The following PRKCI variants were observed in gnomAD, a reference collection of about 807,000 sequenced individuals.
The protein encoded by PRKCI is protein kinase C iota type.
A neutral mutation model predicts 84.0 loss-of-function variants in PRKCI; 43 were observed. The ratio of observed to expected loss-of-function variants is 0.51; its 90% CI spans 0.40 to 0.66. The LOEUF is 0.66. Ranked by LOEUF, PRKCI falls within the 30% of genes least tolerant of loss-of-function variation. The pLI, the probability that PRKCI is intolerant of heterozygous loss-of-function variation, is 0.00. For synonymous variants in PRKCI, 216 were observed against 234.4 expected (o/e 0.92, Z 0.72); for missense variants, 459 against 745.6 (o/e 0.62, Z 4.48).
intron 3 of PRKCI, among the ~76,000 whole-genome samples, chr3:170,261,271 C>A (rs1422918004): frequency 6.6e-6 from 1 of 150,974 alleles, no homozygotes; most frequent in African/African-American, 2.4e-5. Context: ...AGCCAAGAAC[C>A]TCTTAATATA....
At chr3:170,289,732 G>A (rs1165882473) in intron 12 of PRKCI, among the ~76,000 whole-genome samples, 1 of 152,120 alleles carries the variant, frequency 6.6e-6, no homozygotes, top group African/African-American at 2.4e-5. Context: ...GACCAACATG[G>A]TGAAACCCCG....
intron 2 of PRKCI, among the ~76,000 whole-genome samples, chr3:170,249,636 A>G (rs79429952): frequency 0.021 from 3,185 of 152,106 alleles, 51 homozygotes; most frequent in East Asian, 0.084. Context: ...AAAAAAAGAA[A>G]GGAAAAAAAG....
Position 170,235,328 on chromosome 3 carries a change from C to G in PRKCI, c.200C>G (p.Thr67Ser). The G allele has an allele frequency of 6.2e-7, 1 of 1,614,028 alleles. No individual in the cohort carries two copies. The highest frequency in any genetic ancestry group is 1.1e-5 in the South Asian group (1 of 91,076). ...TCTTTTGACAACGAACAGCTCTTCA[C>G]CATGAAATGGATAGATGAGGAAGGT... ...MCSFDNEQLF[T>S]MKWIDEEGDP... Residue 67 changes from threonine to serine, a missense_variant, in exon 2 of 18, where the codon ACC (threonine) becomes AGC (serine). Coordinates refer to ENST00000295797, the MANE Select transcript of PRKCI (RefSeq NM_002740.6).
intron 1 of PRKCI, among the ~76,000 whole-genome samples, chr3:170,233,208 G>T (rs1732849128): frequency 1.2e-5 from 1 of 81,002 alleles, no homozygotes; most frequent in South Asian, 4.9e-4. Flanking sequence ...CAGAAGGACT[G>T]AATGTGATTC....
At chr3:170,242,540 T>C (rs564659546) in intron 2 of PRKCI, among the ~76,000 whole-genome samples, 11 of 151,764 alleles carry the variant, frequency 7.2e-5, no homozygotes, top group South Asian at 6.2e-4. Context: ...TTGTAACTTA[T>C]ATAGTTTTCC....
chr3:170,251,404 A>C (rs1733440097), intron 2 of PRKCI, among the ~76,000 whole-genome samples: 1 of 152,226 alleles, frequency 6.6e-6, no homozygotes, highest in South Asian at 2.1e-4. Context: ...GAGAGAAAAT[A>C]TTTGCAACAT....
At chr3:170,246,881 CT>C (rs1348382207) in intron 2 of PRKCI, among the ~76,000 whole-genome samples, 1 of 152,048 alleles carries the variant, frequency 6.6e-6, no homozygotes, top group African/African-American at 2.4e-5. Flanking sequence ...ATGAATTTAC[CT>C]ATGCTTGGTC....
intron 6 of PRKCI, among the ~76,000 whole-genome samples, chr3:170,272,588 A>C (rs2108854731): frequency 6.6e-6 from 1 of 152,328 alleles, no homozygotes; most frequent in African/African-American, 2.4e-5. Flanking sequence ...GTTAGTGATT[A>C]TATTGAAGTT....
chr3:170,252,986 A>G (rs1733492546), intron 2 of PRKCI, among the ~76,000 whole-genome samples: 1 of 152,148 alleles, frequency 6.6e-6, no homozygotes, highest in Admixed American at 6.5e-5. Context: ...GTCTTTCTGT[A>G]TCTGGCTTAT....
chr3:170,299,160 C>T (rs9867081), intron 17 of PRKCI, 50 bp downstream of exon 17: 14,776 of 1,057,264 alleles, frequency 0.014, 521 homozygotes, highest in African/African-American at 0.093. Context: ...TTGGAAATCC[C>T]ATTTTTAGTG....
chr3:170,228,003 CAT>C (rs1360882229), intron 1 of PRKCI, among the ~76,000 whole-genome samples: 14 of 152,056 alleles, frequency 9.2e-5, no homozygotes, highest in Admixed American at 9.2e-4. Context: ...TTGGACAACT[CAT>C]AGGTTTCTCG....
At chr3:170,282,534 T>TA (rs1734273093) in intron 11 of PRKCI, among the ~76,000 whole-genome samples, 2 of 151,388 alleles carry the variant, frequency 1.3e-5, no homozygotes, top group African/African-American at 4.9e-5. Flanking sequence ...CTGTCTCTAC[T>TA]AAAAATACAA....
intron 7 of PRKCI, among the ~76,000 whole-genome samples, chr3:170,273,849 G>A (rs1304984245): frequency 6.6e-6 from 1 of 151,466 alleles, no homozygotes; most frequent in Non-Finnish European, 1.5e-5. Context: ...AGACAACTGT[G>A]GGCTGGGTGT....
chr3:170,252,887 C>T (rs933815123), intron 2 of PRKCI, among the ~76,000 whole-genome samples: 3 of 152,166 alleles, frequency 2.0e-5, no homozygotes, highest in African/African-American at 7.2e-5. Flanking sequence ...TCGTTCCCAG[C>T]TTCTGGTAGC....
At chr3:170,260,818 G>A (rs975303103) in intron 3 of PRKCI, among the ~76,000 whole-genome samples, 1 of 152,148 alleles carries the variant, frequency 6.6e-6, no homozygotes, top group African/African-American at 2.4e-5. Context: ...TGTAGGAAGT[G>A]GCATAGAAGA....
chr3:170,235,777 A>G (rs934203080), intron 2 of PRKCI, among the ~76,000 whole-genome samples: 2 of 151,868 alleles, frequency 1.3e-5, no homozygotes, highest in Admixed American at 1.3e-4. Context: ...ATGTTGGCCA[A>G]GCTGGTCTCA....
intron 12 of PRKCI, among the ~76,000 whole-genome samples, chr3:170,288,447 CCTT>C (rs1446754429): frequency 6.6e-6 from 1 of 152,080 alleles, no homozygotes; most frequent in Non-Finnish European, 1.5e-5. Flanking sequence ...TGCCTTTCCT[CCTT>C]CTCCAAGAGC....
chr3:170,263,957 A>G (rs1282847421), intron 4 of PRKCI, among the ~76,000 whole-genome samples: 1 of 152,264 alleles, frequency 6.6e-6, no homozygotes, highest in Admixed American at 6.5e-5. Flanking sequence ...TGTTGCACAT[A>G]TGAAAGGAAT....
At chr3:170,235,413 G>A (rs71277166) in intron 2 of PRKCI, 62 bp downstream of exon 2, 1 of 1,565,316 alleles carries the variant, frequency 6.4e-7, no homozygotes, top group South Asian at 1.2e-5. Flanking sequence ...ATCATTTGTT[G>A]TAAAAATATA....
Sources: allele counts gnomAD v4.1 joint callset (sites outside exome capture counted in the v4.1 genomes callset), GRCh38; gene constraint gnomAD v4.1.1; transcripts MANE v1.5; gene names NCBI Gene and HGNC (gene_info 2026-07-23, HGNC 2026-07-21).